The following HPS1 variants were observed in gnomAD, a reference collection of about 807,000 sequenced individuals.
HPS1 encodes BLOC-3 complex member HPS1.
In HPS1, 59 loss-of-function variants were observed where a neutral mutation model predicts 90.6. That is an observed-to-expected ratio of 0.65 (90% CI 0.53 to 0.81). The LOEUF is 0.81. HPS1 is among the 30% of genes least tolerant of loss of function. HPS1 has a pLI of 0.00. For synonymous variants in HPS1, 388 were observed against 384.4 expected, an observed-to-expected ratio of 1.01 and a Z score of -0.11; for missense variants, 849 against 896.7, an observed-to-expected ratio of 0.95 and a Z score of 0.68.
At position 98,446,842 on chromosome 10, in the gene HPS1, G is replaced by A. The variant is rs2136385767; in HGVS notation, c.-141C>T. 1 of 152,362 alleles carries A rather than the reference G, an allele frequency of 6.6e-6. No homozygotes were observed. Among genetic ancestry groups the A allele is most frequent in the East Asian group, 1.9e-4 (1 of 5,164 alleles). The allele number at this position is 152,362 out of a possible 1,614,324, so 9.4% of individuals were successfully genotyped here. On this transcript the variant is annotated 5_prime_UTR_variant, in exon 1 of 20. Coordinates refer to ENST00000361490, the MANE Select transcript of HPS1 (RefSeq NM_000195.5). ...GGAGGGTTGAAGGGGGGCTCCGGAG[G>A]GAGGATCGCCGCCCCCAGAGGGGAC...
intron 14 of HPS1, 85 bp downstream of exon 14, chr10:98,424,228 G>C: frequency 1.1e-6 from 1 of 951,860 alleles, no homozygotes. Flanking sequence ...GATAAATGAA[G>C]GGCAGTGGTG....
At position 98,430,627 on chromosome 10, in the gene HPS1, T is replaced by C; in HGVS notation, c.712A>G (p.Ile238Val). 6.4e-7 allele frequency: 1 copy of C among 1,556,236 alleles called. No individual in the cohort carries two copies. Among genetic ancestry groups the C allele is most frequent in the Non-Finnish European group, 8.7e-7 (1 of 1,149,246 alleles). Residue 238 changes from isoleucine (I) to valine (V), a missense_variant, in exon 8 of 20, where the codon ATC (isoleucine) becomes GTC (valine). Ile to Val is a conservative substitution (Grantham distance 29). Transcript: ENST00000361490. Reference protein sequence around the residue: ...SLRPADLLALILLVQDLYPSE... With the variant: ...SLRPADLLALVLLVQDLYPSE... ...GGGTAGAGGTCCTGAACCAGGAGGATGAGGGCAAGCAGGTCGGCCGGGCGC... is the reference window on the plus strand; with the variant it reads ...GGGTAGAGGTCCTGAACCAGGAGGACGAGGGCAAGCAGGTCGGCCGGGCGC...
chr10:98,429,856 T>C lies in HPS1; in HGVS notation c.802A>G (p.Ile268Val), dbSNP rs761225762. ...GGGCTCCAGGCCTGCTGCACGGGGA[T>C]GTTCTGGCTGCTCCGGGCCCTCCGC... ...SPRRARSSQNIPVQQAWSPHS... is the reference protein window; with the variant it reads ...SPRRARSSQNVPVQQAWSPHS... Residue 268 changes from isoleucine to valine, a missense_variant, in exon 9 of 20, where the codon ATC becomes GTC. Physicochemically the swap from Ile to Val is conservative, Grantham distance 29. Transcript: ENST00000361490. 3.7e-5 allele frequency: 59 copies of C among 1,613,256 alleles called. 1 individual carries two copies. The Middle Eastern group carries it at 1.8e-3, about 50-fold the overall frequency.
chr10:98,419,517 C>CT (rs1329339952), intron 18 of HPS1, among the ~76,000 whole-genome samples: 2 of 151,690 alleles, frequency 1.3e-5, no homozygotes, highest in Non-Finnish European at 2.9e-5. Context: ...TGATAGTAAG[C>CT]TCCCCCCACT....
chr10:98,426,842 G>A (rs962531195), intron 11 of HPS1, among the ~76,000 whole-genome samples: 5 of 151,830 alleles, frequency 3.3e-5, no homozygotes, highest in South Asian at 2.1e-4. Flanking sequence ...TTTTGAGGAC[G>A]GGATTAAGAG....
At chr10:98,413,992 G>T (rs956339982), downstream of HPS1, 1 of 151,942 alleles carries the variant, frequency 6.6e-6, no homozygotes, top group Non-Finnish European at 1.5e-5. Context: ...ATTGTGTGCA[G>T]TGTATCTTTT....
intron 17 of HPS1, among the ~76,000 whole-genome samples, chr10:98,420,572 C>T (rs540646668): frequency 1.8e-3 from 278 of 152,000 alleles, no homozygotes; most frequent in African/African-American, 6.2e-3. Context: ...AATAATTAGC[C>T]GGGTGTGGTA....
Position 98,427,595 on chromosome 10 carries a change from C to T in HPS1, c.938-331G>A, listed in dbSNP as rs567878967. Among the ~76,000 whole-genome samples, 22 of 152,262 alleles carry T rather than the reference C, an allele frequency of 1.4e-4. No individual in the cohort carries two copies. The East Asian group carries it at 4.3e-3, about 30-fold the overall frequency. ...ATCTTCCTCCCCCCTCCCTTGCCCC[C>T]AATCCCCTCCTTGTTCTGTCCCCTG... On this transcript the variant is annotated intron_variant, in intron 10 of 19. Coordinates refer to ENST00000361490, the MANE Select transcript of HPS1 (RefSeq NM_000195.5).
intron 10 of HPS1, 143 bp downstream of exon 10, chr10:98,429,430 A>G: frequency 6.4e-7 from 1 of 1,552,346 alleles, no homozygotes; most frequent in East Asian, 2.4e-5. Flanking sequence ...AGCCGCAGAC[A>G]GCGTCCTGTG....
At position 98,417,270 on chromosome 10, in the gene HPS1, A is replaced by G. The variant is rs1844226828; in HGVS notation, c.*294T>C. 3.4e-6 allele frequency: 1 copy of G among 294,216 alleles called. No homozygotes were observed. Among genetic ancestry groups the G allele is most frequent in the Non-Finnish European group, 6.3e-6 (1 of 159,092 alleles). 18.2% of individuals were successfully genotyped at this position (294,216 alleles called of 1,614,324 possible). On this transcript the variant is annotated 3_prime_UTR_variant, in exon 20 of 20. Transcript: ENST00000361490. The surrounding 1 kb of genome is among the most constrained non-coding windows in gnomAD (Gnocchi z 4.2). The stretch of plus-strand genomic sequence containing the variant: ...ACAGCAGAGATGGGGCTTCCTCCCC[A>G]TCTCCCAGGATAAAGGCAGAGGCAG...
chr10:98,440,241 T>C lies in HPS1; in HGVS notation c.117+2883A>G, dbSNP rs76165499. ...TTGGCGGAATTATAAAGTAGTACAA[T>C]ATCTTTGAATGGCTTTTGACTCAAC... On this transcript the variant is annotated intron_variant, in intron 3 of 19. Coordinates refer to ENST00000361490, the MANE Select transcript of HPS1 (RefSeq NM_000195.5). Among the ~76,000 whole-genome samples the C allele has an allele frequency of 3.1e-3, 471 of 152,332 alleles. 13 individuals are homozygous for C. In the East Asian group the frequency reaches 0.078, roughly 25 times the overall value.
chr10:98,429,083 C>T (rs989632408), intron 10 of HPS1: 45 of 349,878 alleles, frequency 1.3e-4, no homozygotes, highest in Non-Finnish European at 1.8e-4. Context: ...CTCAGGTGAT[C>T]TACCCGCCTC....
downstream of HPS1, among the ~76,000 whole-genome samples, chr10:98,415,987 C>T (rs1564818589): frequency 6.6e-6 from 1 of 152,208 alleles, no homozygotes; most frequent in South Asian, 2.1e-4. Flanking sequence ...GTTCTCTGCC[C>T]ATTACTTAGC....
intron 6 of HPS1, among the ~76,000 whole-genome samples, chr10:98,432,560 C>G (rs1386292388): frequency 1.3e-5 from 2 of 152,212 alleles, no homozygotes; most frequent in African/African-American, 4.8e-5. Context: ...CTATTTAACA[C>G]ATCCCTTGAG....
In HPS1 at chr10:98,418,108, G is replaced by A. The variant is rs187523022; in HGVS notation, c.1940+67C>T. 7,430 of 1,049,668 alleles carry A rather than the reference G, an allele frequency of 7.1e-3. 40 individuals carry two copies. The highest frequency in any genetic ancestry group is 8.9e-3 in the Non-Finnish European group (6,119 of 690,826). The allele number at this position is 1,049,668 out of a possible 1,614,324, so 65.0% of individuals were successfully genotyped here. A position where few individuals can be genotyped will look rare whatever the true frequency, so the allele number is the denominator to read the frequency against. ...CACTGCTGAAGCAGAAGCTGCTCCC[G>A]GCAGAGGCGAGCACTTATCACCCAA... On this transcript the variant is annotated intron_variant, in intron 19 of 19. Transcript: ENST00000361490.
At position 98,424,318 on chromosome 10, in the gene HPS1, G is replaced by C. The variant is rs769906927; in HGVS notation, c.1392C>G (p.Ser464=). ...KAFSKSEPGS[S]WELLQACGKL... ...TCCTGAGGCCCACCACTCACTCCCA[G>C]GAGGATCCGGGCTCACTTTTGGAGA... Residue 464 remains serine, a synonymous_variant, in exon 14 of 20, where the codon TCC becomes TCG. Coordinates refer to ENST00000361490, the MANE Select transcript of HPS1 (RefSeq NM_000195.5). The C allele has an allele frequency of 6.2e-7, 1 of 1,612,350 alleles. No homozygotes were observed.
rs758927078 is a variant in HPS1 at position 98,429,562 on chromosome 10, C to T, written c.937+11G>A. 2 of 1,614,228 alleles carry T rather than the reference C, an allele frequency of 1.2e-6. No homozygotes were observed. The highest frequency in any genetic ancestry group is 1.7e-6 in the Non-Finnish European group (2 of 1,180,042). On this transcript the variant is annotated intron_variant, in intron 10 of 19. Coordinates refer to ENST00000361490, the MANE Select transcript of HPS1 (RefSeq NM_000195.5). ...AGCTATTGTTTCCTCCTGCTTTCCT[C>T]CGGTCCTCACCTGAGCTCTGATCGC...
chr10:98,443,191 C>T lies in HPS1; in HGVS notation c.50G>A (p.Trp17Ter), dbSNP rs1938761666. ...ACTCTCTTCAAACTCCTGATCTGTC[C>T]AGTAGAAGAGGACCTCTGCGCCCTC... is the stretch of plus-strand genomic sequence containing the variant. ...ATEGAEVLFY[W>*]TDQEFEESLR... Residue 17 changes from tryptophan (W) to a stop codon, truncating the protein, a stop_gained, in exon 3 of 20, where the codon TGG (tryptophan) becomes TAG (stop). Transcript: ENST00000361490. LOFTEE classifies it high-confidence loss of function. 1 of 1,614,116 alleles carries T rather than the reference C, an allele frequency of 6.2e-7. No individual in the cohort carries two copies. The highest frequency in any genetic ancestry group is 8.5e-7 in the Non-Finnish European group (1 of 1,180,016).
chr10:98,424,294 C>T lies in HPS1; in HGVS notation c.1397+19G>A, dbSNP rs1248409643. 1.9e-6 allele frequency: 3 copies of T among 1,604,258 alleles called. No homozygotes were observed. In the African/African-American group the frequency reaches 4.0e-5, roughly 21 times the overall value. On this transcript the variant is annotated intron_variant, in intron 14 of 19. Transcript: ENST00000361490. ...CCTGGGCACACGACCCACCCCTTGT[C>T]CTGAGGCCCACCACTCACTCCCAGG... is the stretch of plus-strand genomic sequence containing the variant.
Sources: gnomAD v4.1 joint callset for allele counts (sites outside exome capture counted in the v4.1 genomes callset) on GRCh38, gnomAD v4.1.1 for gene constraint, Gnocchi (gnomAD v3.1) non-coding constraint, MANE v1.5 for transcripts, NCBI Gene and HGNC (gene_info 2026-07-23, HGNC 2026-07-21) for gene names.